The following DOK7 variants were observed in gnomAD, a reference collection of about 807,000 sequenced individuals.
The protein encoded by DOK7 is docking protein 7, also known as protein Dok-7.
Under a neutral mutation model 30.7 loss-of-function variants are expected in DOK7, and 32 were observed. The observed-to-expected ratio is 1.04, with a 90% CI of 0.79 to 1.40. The LOEUF (loss-of-function observed/expected upper bound fraction) is 1.40. Among genes scored for constraint, DOK7 ranks in the 40% most tolerant of loss-of-function variants. The pLI is 0.00. For synonymous variants in DOK7, 447 were observed against 324.1 expected (o/e 1.38, Z -4.07); for missense variants, 1,007 against 699.2 (o/e 1.44, Z -4.97).
At position 3,492,760 on chromosome 4, in the gene DOK7, G is replaced by A. The variant is rs762464191; in HGVS notation, c.774G>A (p.Gly258=). Reference sequence around the variant, plus strand: ...CCTTGGCTTCCTGCTCTGTCTCAGGGGATGACCGCAGCCTGTCCAGCTCAT... The same window carrying A: ...CCTTGGCTTCCTGCTCTGTCTCAGGAGATGACCGCAGCCTGTCCAGCTCAT... ...LSHAGRPGSG[G]DDRSLSSSSS... is the part of the protein sequence containing the mutation. The change falls in exon 7 of 7, where the codon GGG becomes GGA. Residue 258 remains glycine, a splice_region_variant and synonymous_variant. Transcript: ENST00000340083. 1.2e-6 allele frequency: 2 copies of A among 1,612,454 alleles called. No individual in the cohort carries two copies. Among genetic ancestry groups the A allele is most frequent in the Admixed American group, 1.7e-5 (1 of 60,004 alleles).
At chr4:3,464,929 G>C (rs1017497845) in intron 2 of DOK7, among the ~76,000 whole-genome samples, 7 of 152,206 alleles carry the variant, frequency 4.6e-5, no homozygotes, top group African/African-American at 1.7e-4. Context: ...GAACATGGTG[G>C]CTCCCGAGCG....
Position 3,470,598 on chromosome 4 carries a change from T to C in DOK7, c.101-2808T>C, listed in dbSNP as rs367625558. The stretch of plus-strand genomic sequence containing the variant: ...GGGGCCGGCTGGCTTGTGGAAGGTG[T>C]GAGAAGCCGTCGTGGCAAATTCAAC... On this transcript the variant is annotated intron_variant, in intron 2 of 6. Coordinates refer to ENST00000340083, the MANE Select transcript of DOK7 (RefSeq NM_173660.5). Among the ~76,000 whole-genome samples the C allele has an allele frequency of 2.9e-4, 44 of 152,214 alleles. No individual in the cohort carries two copies. In the East Asian group the frequency reaches 7.9e-3, roughly 27 times the overall value.
rs573408952 is a variant in DOK7, at chr4:3,472,822, G to A, written c.101-584G>A. Among the ~76,000 whole-genome samples the A allele has an allele frequency of 1.3e-3, 190 of 148,762 alleles. 2 individuals carry two copies. Among genetic ancestry groups the A allele is most frequent in the East Asian group, 1.2e-3 (6 of 4,954 alleles). On this transcript the variant is annotated intron_variant, in intron 2 of 6. Transcript: ENST00000340083. ...AAGAGACTAGGGCCTGCTGTGCTGG[G>A]CAGTGGCCGGGTGGATGGGGATGGG...
At chr4:3,499,657 G>A (rs900716343) in intron 6 of DOK7, among the ~76,000 whole-genome samples, 3 of 151,706 alleles carry the variant, frequency 2.0e-5, no homozygotes, top group Non-Finnish European at 4.4e-5. Context: ...TCGGGGGAAG[G>A]GAGTAGCTCC....
chr4:3,491,286 CG>C (rs1728405517), intron 6 of DOK7, among the ~76,000 whole-genome samples: 1 of 61,672 alleles, frequency 1.6e-5, no homozygotes. Context: ...TTCCTTCCTC[CG>C]CCCCCCCGCT....
intron 2 of DOK7, among the ~76,000 whole-genome samples, chr4:3,464,768 TGGAG>T (rs1211234446): frequency 6.6e-6 from 1 of 152,042 alleles, no homozygotes; most frequent in Non-Finnish European, 1.5e-5. Flanking sequence ...TTGTCCCTGT[TGGAG>T]GGATTTTCTT....
At position 3,493,045 on chromosome 4, in the gene DOK7, G is replaced by A. The variant is rs781086422; in HGVS notation, c.1059G>A (p.Ser353=). ...GSHSSYSSSL[S]SYAGSSLDVW... ...ACTCCTCTTACTCCAGCAGCCTCTC[G>A]TCCTACGCGGGCAGCAGCCTGGACG... is the stretch of plus-strand genomic sequence containing the variant. The change falls in exon 7 of 7, where the codon TCG becomes TCA. Residue 353 remains serine, a synonymous_variant. Coordinates refer to ENST00000340083, the MANE Select transcript of DOK7 (RefSeq NM_173660.5). 2.1e-5 allele frequency: 33 copies of A among 1,573,018 alleles called. No individual in the cohort carries two copies. The highest frequency in any genetic ancestry group is 9.2e-5 in the East Asian group (4 of 43,312).
downstream of DOK7, among the ~76,000 whole-genome samples, chr4:3,494,669 G>T (rs773776151): frequency 8.5e-6 from 1 of 117,036 alleles, no homozygotes; most frequent in African/African-American, 3.2e-5. Flanking sequence ...GGCAGCTCCG[G>T]GCAGCCCCCG....
At chr4:3,468,532 GTGAGTGTA>G (rs773682078) in intron 2 of DOK7, among the ~76,000 whole-genome samples, 3 of 143,690 alleles carry the variant, frequency 2.1e-5, no homozygotes, top group African/African-American at 8.3e-5. Flanking sequence ...GTGTGTGACT[GTGAGTGTA>G]TGTGTGTGTG....
At chr4:3,466,770 G>A (rs954260397) in intron 2 of DOK7, among the ~76,000 whole-genome samples, 95 of 152,320 alleles carry the variant, frequency 6.2e-4, no homozygotes, top group African/African-American at 2.1e-3. Context: ...AGGTGGGCGC[G>A]AGGGCCTGGC....
chr4:3,466,549 G>A (rs921399495), intron 2 of DOK7, among the ~76,000 whole-genome samples: 5 of 152,182 alleles, frequency 3.3e-5, no homozygotes, highest in African/African-American at 7.2e-5. Context: ...TCCCAGCTCC[G>A]GGCTGAAGAC....
At chr4:3,474,776 C>T (rs999069618) in intron 3 of DOK7, among the ~76,000 whole-genome samples, 3 of 151,720 alleles carry the variant, frequency 2.0e-5, no homozygotes, top group African/African-American at 4.8e-5. Context: ...GAGCTGAGAT[C>T]GCGCCATTGC....
intron 2 of DOK7, 47 bp from the exon 3 acceptor site, chr4:3,473,359 G>A (rs772487290): frequency 8.2e-6 from 13 of 1,592,218 alleles, no homozygotes; most frequent in South Asian, 5.6e-5. Context: ...CCAAGGGTGC[G>A]GGCAGGCGGT....
chr4:3,494,266 G>A lies in DOK7; in HGVS notation c.*765G>A, dbSNP rs946069461. On this transcript the variant is annotated 3_prime_UTR_variant, in exon 7 of 7. Coordinates refer to ENST00000340083, the MANE Select transcript of DOK7 (RefSeq NM_173660.5). ...AGGGCCAAAGGCTGGCTTGGCCTGT[G>A]TTTCCCCTGGCCCAGGCCTCAGCCC... 13 of 985,440 alleles carry A rather than the reference G, an allele frequency of 1.3e-5. No homozygotes were observed. The highest frequency in any genetic ancestry group is 4.7e-5 in the South Asian group (1 of 21,296). 61.0% of individuals were successfully genotyped at this position (985,440 alleles called of 1,614,324 possible).
chr4:3,489,304 T>G (rs895111144), intron 5 of DOK7, among the ~76,000 whole-genome samples: 2 of 152,032 alleles, frequency 1.3e-5, no homozygotes, highest in Non-Finnish European at 2.9e-5. Flanking sequence ...GCAGCCCCTC[T>G]TGCAGCGAGG....
chr4:3,492,651 G>T (rs1395081610), intron 6 of DOK7, 108 bp from the exon 7 acceptor site: 1 of 1,491,026 alleles, frequency 6.7e-7, no homozygotes, highest in Admixed American at 1.9e-5. Flanking sequence ...TGGAAGGGGT[G>T]GGGCGAGACC....
intron 5 of DOK7, among the ~76,000 whole-genome samples, chr4:3,486,289 C>T (rs1727786342): frequency 6.6e-6 from 1 of 152,144 alleles, no homozygotes; most frequent in Non-Finnish European, 1.5e-5. Flanking sequence ...GTGGGGCTCC[C>T]CAGGTCGGGG....
intron 2 of DOK7, among the ~76,000 whole-genome samples, chr4:3,468,077 C>A (rs1380808730): frequency 6.6e-6 from 1 of 152,194 alleles, no homozygotes; most frequent in African/African-American, 2.4e-5. Context: ...TGTGTGTGCA[C>A]AAGCATGAGT....
At chr4:3,496,717 T>C, downstream of DOK7, 2 of 1,325,470 alleles carry the variant, frequency 1.5e-6, no homozygotes, top group Non-Finnish European at 2.0e-6. Context: ...TCCCCCAGCC[T>C]GTGTCACTCT....
Sources: gnomAD v4.1 joint callset for allele counts (sites outside exome capture counted in the v4.1 genomes callset) on GRCh38, gnomAD v4.1.1 for gene constraint, MANE v1.5 for transcripts, NCBI Gene and HGNC (gene_info 2026-07-23, HGNC 2026-07-21) for gene names.